BRD4: variants seen among roughly 807,000 people sequenced by gnomAD.
The protein encoded by BRD4 is bromodomain containing 4, also known as bromodomain-containing protein 4.
A neutral mutation model predicts 142.1 loss-of-function variants in BRD4; 16 were observed. The ratio of observed to expected loss-of-function variants is 0.11; its 90% CI spans 0.08 to 0.17. The LOEUF is 0.17. Among genes scored for constraint, BRD4 ranks in the 10% least tolerant of loss-of-function variants. BRD4 has a pLI of 1.00. For missense variants in BRD4, 1,424 were observed against 1,810.9 expected (o/e 0.79, Z 3.88); for synonymous variants, 833 against 707.5 (o/e 1.18, Z -2.82).
In BRD4 at chr19:15,239,818, G is replaced by T. The variant is rs2047224338; in HGVS notation, c.3286C>A (p.Leu1096Met). 6 of 1,613,700 alleles carry T rather than the reference G, an allele frequency of 3.7e-6. No homozygotes were observed. The highest frequency in any genetic ancestry group is 5.1e-6 in the Non-Finnish European group (6 of 1,179,936). ...QQNVQPKKQE[L>M]RAASVVQPQP... ...GGCTGGACCACGGAGGCAGCACGCAGCTCCTGGGATGGCACAGGCACAGCG... is the reference window on the plus strand; with the variant it reads ...GGCTGGACCACGGAGGCAGCACGCATCTCCTGGGATGGCACAGGCACAGCG... The change falls in exon 16 of 20, where the codon CTG becomes ATG. Residue 1096 changes from leucine to methionine, a missense_variant. Transcript: ENST00000679869. This position sits in a 1 kb window ranked among gnomAD's most constrained non-coding sequence, Gnocchi z 7.4.
intron 1 of BRD4, among the ~76,000 whole-genome samples, chr19:15,321,509 C>T (rs748630587): frequency 5.9e-5 from 9 of 151,930 alleles, no homozygotes; most frequent in Non-Finnish European, 1.2e-4. Flanking sequence ...CTAGAATCCA[C>T]TGCCATCAGA....
intron 1 of BRD4, among the ~76,000 whole-genome samples, chr19:15,306,009 C>G (rs935493108): frequency 1.3e-5 from 2 of 152,216 alleles, no homozygotes; most frequent in Non-Finnish European, 2.9e-5. Flanking sequence ...GCTTTCTCAC[C>G]TCTTTCAGCC....
In BRD4 at chr19:15,240,011, C is replaced by G. The variant is rs200902225; in HGVS notation, c.3181G>C (p.Glu1061Gln). ...TGTATCATAAGCGGGGAGGGGGCTT[C>G]GCGGAGGTGACCTAGGAGAAGGGAC... ...SDPYSTGHLR[E>Q]APSPLMIHSP... The change falls in exon 15 of 20, where the codon GAA becomes CAA. Residue 1061 changes from glutamate to glutamine, a missense_variant. Physicochemically the swap from Glu to Gln is conservative, Grantham distance 29. Transcript: ENST00000679869. 6.2e-7 allele frequency: 1 copy of G among 1,611,304 alleles called. No individual in the cohort carries two copies. Among genetic ancestry groups the G allele is most frequent in the Non-Finnish European group, 8.5e-7 (1 of 1,178,804 alleles).
At chr19:15,312,609 G>A (rs2047981441) in intron 1 of BRD4, among the ~76,000 whole-genome samples, 1 of 152,076 alleles carries the variant, frequency 6.6e-6, no homozygotes, top group African/African-American at 2.4e-5. Flanking sequence ...TCCAGCCTGG[G>A]CAACAGGAGT....
At chr19:15,271,028 C>T (rs1006975180) in intron 2 of BRD4, among the ~76,000 whole-genome samples, 1 of 152,172 alleles carries the variant, frequency 6.6e-6, no homozygotes, top group African/African-American at 2.4e-5. Flanking sequence ...GGCCACTCTC[C>T]AGCCTGCACT....
intron 1 of BRD4, among the ~76,000 whole-genome samples, chr19:15,323,824 G>T (rs1373354245): frequency 6.6e-6 from 1 of 152,158 alleles, no homozygotes; most frequent in African/African-American, 2.4e-5. Context: ...GGCCTGGATA[G>T]CATTTCTCAC....
At chr19:15,323,394 T>C (rs946680755) in intron 1 of BRD4, among the ~76,000 whole-genome samples, 1 of 152,138 alleles carries the variant, frequency 6.6e-6, no homozygotes, top group Non-Finnish European at 1.5e-5. Context: ...ACCACTGGGC[T>C]GGCAGGTTCC....
intron 1 of BRD4, among the ~76,000 whole-genome samples, chr19:15,295,527 G>T (rs1372383144): frequency 1.3e-5 from 2 of 152,170 alleles, no homozygotes; most frequent in Admixed American, 6.5e-5. Context: ...TCTACTTAAT[G>T]CTGAGAAACT....
intron 4 of BRD4, among the ~76,000 whole-genome samples, chr19:15,266,478 T>A (rs1439349373): frequency 6.6e-6 from 1 of 152,132 alleles, no homozygotes; most frequent in Non-Finnish European, 1.5e-5. Context: ...CAGACTGGAA[T>A]AGGAGATGCC....
At chr19:15,277,524 G>A (rs186187066) in intron 1 of BRD4, among the ~76,000 whole-genome samples, 2 of 151,168 alleles carry the variant, frequency 1.3e-5, no homozygotes, top group Admixed American at 1.3e-4. Context: ...GCTCACGCCT[G>A]TAATCCCAGC....
chr19:15,321,790 C>T (rs1354144439), intron 1 of BRD4, among the ~76,000 whole-genome samples: 2 of 152,176 alleles, frequency 1.3e-5, no homozygotes, highest in African/African-American at 2.4e-5. Context: ...CACATGCACA[C>T]AAATGACACT....
At chr19:15,303,315 C>T (rs532487505) in intron 1 of BRD4, among the ~76,000 whole-genome samples, 8 of 152,248 alleles carry the variant, frequency 5.3e-5, no homozygotes, top group African/African-American at 1.9e-4. Flanking sequence ...CAATATTTTT[C>T]ATACTAATGC....
At chr19:15,255,187 T>TG (rs1248201120) in intron 10 of BRD4, 110 bp downstream of exon 10, 31 of 1,084,854 alleles carry the variant, frequency 2.9e-5, no homozygotes, top group South Asian at 2.0e-4. Flanking sequence ...ATATTATAAT[T>TG]GGAAAAAAAA....
intron 1 of BRD4, among the ~76,000 whole-genome samples, chr19:15,330,059 A>G (rs2145024042): frequency 6.6e-6 from 1 of 152,344 alleles, no homozygotes; most frequent in East Asian, 1.9e-4. Flanking sequence ...GAACAGCCAA[A>G]CAATCCTTAA....
chr19:15,303,240 GT>G (rs1381752803), intron 1 of BRD4, among the ~76,000 whole-genome samples: 1 of 152,188 alleles, frequency 6.6e-6, no homozygotes, highest in Non-Finnish European at 1.5e-5. Context: ...ATTCAAGAGT[GT>G]TTATGTACAG....
chr19:15,292,638 C>T (rs1207009345), intron 1 of BRD4, among the ~76,000 whole-genome samples: 1 of 151,538 alleles, frequency 6.6e-6, no homozygotes, highest in African/African-American at 2.4e-5. Context: ...ATTAGCTGGG[C>T]GTGGTGGCGG....
chr19:15,300,028 T>C (rs184226323), intron 1 of BRD4, among the ~76,000 whole-genome samples: 254 of 152,206 alleles, frequency 1.7e-3, no homozygotes, highest in African/African-American at 5.8e-3. Flanking sequence ...GAGGATCACT[T>C]GAGCCCAGGA....
chr19:15,265,631 G>T lies in BRD4; in HGVS notation c.572C>A (p.Pro191His). Residue 191 changes from proline (P) to histidine (H), a missense_variant, in exon 5 of 20, where the codon CCT becomes CAT. By Grantham distance (77) the Pro-to-His change is moderately conservative. Transcript: ENST00000679869. ...RGRKETGTAK[P>H]GVSTVPNTTQ... ...TGTGTTTGGTACCGTGGAAACGCCAGGTTTTGCTGTCCCTACAAATCATAA... is the reference window on the plus strand; with the variant it reads ...TGTGTTTGGTACCGTGGAAACGCCATGTTTTGCTGTCCCTACAAATCATAA... The T allele has an allele frequency of 6.2e-7, 1 of 1,614,112 alleles. No individual in the cohort carries two copies. Among genetic ancestry groups the T allele is most frequent in the African/African-American group, 1.3e-5 (1 of 75,010 alleles).
chr19:15,256,088 T>C lies in BRD4; in HGVS notation c.1727A>G (p.Asn576Ser), dbSNP rs2047405604. 2 of 1,611,670 alleles carry C rather than the reference T, an allele frequency of 1.2e-6. No individual in the cohort carries two copies. Among genetic ancestry groups the C allele is most frequent in the Non-Finnish European group, 1.7e-6 (2 of 1,179,884 alleles). ...KEPPPKKTKK[N>S]NSSNSNVSKK... is the part of the protein sequence containing the mutation. ...CCTCACATTGCTGTTGCTGCTATTA[T>C]TTTTCTTCGTCTTTTTAGGAGGAGG... is the stretch of plus-strand genomic sequence containing the variant. The change falls in exon 9 of 20, where the codon AAT becomes AGT. Residue 576 changes from asparagine to serine, a missense_variant. By Grantham distance (46) the Asn-to-Ser change is conservative. Transcript: ENST00000679869.
Sources: allele counts gnomAD v4.1 joint callset (sites outside exome capture counted in the v4.1 genomes callset), GRCh38; gene constraint gnomAD v4.1.1; non-coding constraint Gnocchi (gnomAD v3.1); transcripts MANE v1.5; gene names NCBI Gene and HGNC (gene_info 2026-07-23, HGNC 2026-07-21).